The following TANC2 variants were observed in gnomAD, a reference collection of about 807,000 sequenced individuals.
TANC2 encodes the protein tetratricopeptide repeat, ankyrin repeat and coiled-coil containing 2.
TANC2 carries 26 observed loss-of-function variants against 210.5 expected under a neutral mutation model. The ratio of observed to expected loss-of-function variants is 0.12; its 90% CI spans 0.09 to 0.17. The LOEUF (loss-of-function observed/expected upper bound fraction) is 0.17. Among genes scored for constraint, TANC2 ranks in the 10% least tolerant of loss-of-function variants. The probability of loss-of-function intolerance (pLI) is 1.00; values close to 1 mark genes in which losing one functional copy is unlikely to be tolerated. For missense variants in TANC2, 2,129 were observed against 2,608.9 expected, an observed-to-expected ratio of 0.82 and a Z score of 4.01; for synonymous variants, 931 against 967.1, an observed-to-expected ratio of 0.96 and a Z score of 0.69.
intron 9 of TANC2, among the ~76,000 whole-genome samples, chr17:63,295,077 T>A (rs1367515758): frequency 2.0e-5 from 3 of 152,194 alleles, no homozygotes; most frequent in African/African-American, 7.2e-5. Context: ...CTTGTTCATA[T>A]GTTCTAAATT....
rs138121330 is a variant in TANC2, at chr17:63,291,194, A to G, written c.1160-23194A>G. On this transcript the variant is annotated intron_variant, in intron 9 of 27. Transcript: ENST00000689528. Reference sequence around the variant, plus strand: ...TTTTTCTTCCCTCTCGTTATTTAATAGTCTTCTTGTTTATGACAGTAGCCT... The same window carrying G: ...TTTTTCTTCCCTCTCGTTATTTAATGGTCTTCTTGTTTATGACAGTAGCCT... Among the ~76,000 whole-genome samples, 344 of 152,304 alleles carry G rather than the reference A, an allele frequency of 2.3e-3. 2 individuals carry two copies. The highest frequency in any genetic ancestry group is 8.0e-3 in the African/African-American group (331 of 41,564).
intron 5 of TANC2, among the ~76,000 whole-genome samples, chr17:63,159,671 A>G (rs7214345): frequency 0.099 from 15,123 of 152,240 alleles, 1,081 homozygotes; most frequent in African/African-American, 0.2. Flanking sequence ...TGCATATGGT[A>G]TTGTAAGTAA....
At position 63,407,641 on chromosome 17, in the gene TANC2, G is replaced by C. The variant is rs2048555375; in HGVS notation, c.3589+1364G>C. 2.0e-5 allele frequency among the ~76,000 whole-genome samples: 3 copies of C among 152,156 alleles called. No homozygotes were observed. In the South Asian group the frequency reaches 6.2e-4, roughly 31 times the overall value. ...ATGTTATTAGCAGAACACTATACTA[G>C]GAACTATGAGTGGTTCTGATTTTTT... On this transcript the variant is annotated intron_variant, in intron 21 of 27. Transcript: ENST00000689528.
intron 4 of TANC2, among the ~76,000 whole-genome samples, chr17:63,121,504 C>T (rs1415159251): frequency 6.6e-6 from 1 of 152,032 alleles, no homozygotes; most frequent in Non-Finnish European, 1.5e-5. Flanking sequence ...AAGGCAAAGG[C>T]ATTTGAATAC....
At chr17:63,126,903 A>G (rs958334) in intron 4 of TANC2, among the ~76,000 whole-genome samples, 15,011 of 152,164 alleles carry the variant, frequency 0.099, 947 homozygotes, top group Admixed American at 0.17. Context: ...GAAAAGAAAG[A>G]AATAGCTCTC....
intron 2 of TANC2, among the ~76,000 whole-genome samples, chr17:63,042,076 G>C (rs927250767): frequency 6.6e-6 from 1 of 152,090 alleles, no homozygotes; most frequent in South Asian, 2.1e-4. Flanking sequence ...TAGTCTGCTG[G>C]AATATAGTTG....
intron 6 of TANC2, among the ~76,000 whole-genome samples, chr17:63,197,155 T>A (rs1425452910): frequency 6.6e-6 from 1 of 152,152 alleles, no homozygotes; most frequent in Non-Finnish European, 1.5e-5. Context: ...TTGGGGGAAA[T>A]TACATCATAG....
chr17:63,012,560 C>T (rs1358433827), intron 2 of TANC2, among the ~76,000 whole-genome samples: 1 of 151,804 alleles, frequency 6.6e-6, no homozygotes, highest in Non-Finnish European at 1.5e-5. Flanking sequence ...TAGATATGCC[C>T]ATATATTTGA....
chr17:62,989,767 CTTT>C (rs369502208), intron 1 of TANC2, among the ~76,000 whole-genome samples: 2 of 109,800 alleles, frequency 1.8e-5, no homozygotes, highest in Admixed American at 9.3e-5. Flanking sequence ...AAAACACATG[CTTT>C]TTTTTTTTTT....
chr17:63,050,225 C>T (rs936510688), intron 2 of TANC2, among the ~76,000 whole-genome samples: 1 of 151,842 alleles, frequency 6.6e-6, no homozygotes, highest in Non-Finnish European at 1.5e-5. Context: ...AAAAATTAGC[C>T]AGGCCTGGTG....
At chr17:63,370,972 G>A (rs1044880439) in intron 14 of TANC2, among the ~76,000 whole-genome samples, 6 of 152,178 alleles carry the variant, frequency 3.9e-5, no homozygotes, top group Non-Finnish European at 7.3e-5. Flanking sequence ...TTTGGAGGCC[G>A]CCAGCCATCT....
chr17:63,218,847 T>G (rs1035508532), intron 7 of TANC2, among the ~76,000 whole-genome samples: 4 of 151,924 alleles, frequency 2.6e-5, no homozygotes, highest in Non-Finnish European at 5.9e-5. Context: ...TGAGCTGAGA[T>G]CACGCCACTT....
At chr17:63,229,288 G>A (rs1174458324) in intron 7 of TANC2, among the ~76,000 whole-genome samples, 1 of 151,838 alleles carries the variant, frequency 6.6e-6, no homozygotes, top group African/African-American at 2.4e-5. Flanking sequence ...CAACTTGATC[G>A]TAGCTAAGTT....
rs1279250865 is a variant in TANC2 at position 62,966,556 on chromosome 17, A to C, written c.-217A>C. Among the ~76,000 whole-genome samples the C allele has an allele frequency of 2.0e-5, 3 of 150,594 alleles. No homozygotes were observed. The highest frequency in any genetic ancestry group is 7.3e-5 in the African/African-American group (3 of 41,228). ...CCCCCGAGCCGCCGCTGACAGGAGC[A>C]CCGCCGCGGGCTGCGCTCGCCGGCT... is the stretch of plus-strand genomic sequence containing the variant. On this transcript the variant is annotated 5_prime_UTR_variant, in exon 1 of 28. Coordinates refer to ENST00000689528, the Ensembl canonical transcript of TANC2. The surrounding 1 kb of genome is among the most constrained non-coding windows in gnomAD (Gnocchi z 5.1).
In TANC2 at chr17:63,369,247, G is replaced by A. The variant is rs114015362; in HGVS notation, c.2583-10471G>A. 7.4e-3 allele frequency among the ~76,000 whole-genome samples: 1,122 copies of A among 152,230 alleles called. 13 individuals carry two copies. The highest frequency in any genetic ancestry group is 0.025 in the African/African-American group (1,019 of 41,544). On this transcript the variant is annotated intron_variant, in intron 14 of 27. Coordinates refer to ENST00000689528, the Ensembl canonical transcript of TANC2. ...CTTTTTTGCAAACACAAAGACCCCT[G>A]GTAACACAAGAGAAACATCCATTTA...
chr17:63,171,215 T>A (rs1385739924), intron 5 of TANC2, among the ~76,000 whole-genome samples: 1 of 151,146 alleles, frequency 6.6e-6, no homozygotes, highest in Non-Finnish European at 1.5e-5. Flanking sequence ...CCCGAGTAGC[T>A]GGGATTACAG....
chr17:63,099,064 ATTTTTCACAGTGAAAATATTTGT>A, intron 3 of TANC2, 88 bp from the exon 4 acceptor site: 2 of 1,127,616 alleles, frequency 1.8e-6, no homozygotes, highest in South Asian at 1.4e-5. Context: ...AAATACTTTG[ATTTTTCACAGTGAAAATATTTGT>A]TGTTCTGGAT....
intron 9 of TANC2, among the ~76,000 whole-genome samples, chr17:63,297,574 C>A (rs2048296991): frequency 6.6e-6 from 1 of 152,100 alleles, no homozygotes; most frequent in African/African-American, 2.4e-5. Context: ...AACAACCTAA[C>A]CTACAGATAA....
chr17:63,079,043 T>A (rs1411608611), intron 3 of TANC2, among the ~76,000 whole-genome samples: 1 of 152,212 alleles, frequency 6.6e-6, no homozygotes, highest in Non-Finnish European at 1.5e-5. Flanking sequence ...ACATTCCTTG[T>A]ACCACTGGTC....
Sources: gnomAD v4.1 joint callset for allele counts (sites outside exome capture counted in the v4.1 genomes callset) on GRCh38, gnomAD v4.1.1 for gene constraint, Gnocchi (gnomAD v3.1) non-coding constraint, MANE v1.5 for transcripts, NCBI Gene and HGNC (gene_info 2026-07-23, HGNC 2026-07-21) for gene names.